DDX31: variants seen among roughly 807,000 people sequenced by gnomAD.
DDX31 encodes DEAD-box helicase 31, also known as ATP-dependent DNA helicase DDX31.
Under a neutral mutation model 91.3 loss-of-function variants are expected in DDX31, and 70 were observed. The ratio of observed to expected loss-of-function variants is 0.77; its 90% CI spans 0.63 to 0.94. DDX31 has a LOEUF of 0.94. Ranked by LOEUF, DDX31 falls within the 40% of genes least tolerant of loss-of-function variation. The pLI, the probability that DDX31 is intolerant of heterozygous loss-of-function variation, is 0.00. For synonymous variants in DDX31, 362 were observed against 350.6 expected (o/e 1.03, Z -0.36); for missense variants, 902 against 925.0 (o/e 0.98, Z 0.32).
At chr9:132,609,818 C>T (rs1275426072) in intron 19 of DDX31, among the ~76,000 whole-genome samples, 1 of 152,110 alleles carries the variant, frequency 6.6e-6, no homozygotes, top group East Asian at 1.9e-4. Flanking sequence ...GATGGGGTTT[C>T]ACCATCTTGG....
Position 132,669,914 on chromosome 9 carries a change from C to A in DDX31, c.21G>T (p.Ser7=). 1 of 1,596,140 alleles carries A rather than the reference C, an allele frequency of 6.3e-7. No homozygotes were observed. The change falls in exon 1 of 20, where the codon TCG becomes TCT. Residue 7 remains serine (S), a synonymous_variant. Coordinates refer to ENST00000372159, the MANE Select transcript of DDX31 (RefSeq NM_022779.9). ...AGAACGTCCTGGGGTTGTCGAAGAG[C>A]GAACCGTCGGCGGCTGCCATGGTCT... MAAADG[S]LFDNPRTFSR...
intron 19 of DDX31, among the ~76,000 whole-genome samples, chr9:132,609,979 C>T (rs923845096): frequency 6.6e-6 from 1 of 152,218 alleles, no homozygotes; most frequent in African/African-American, 2.4e-5. Flanking sequence ...CTCAAAGTGT[C>T]ACCATTGCCG....
At chr9:132,654,323 C>T (rs1590085562) in intron 6 of DDX31, among the ~76,000 whole-genome samples, 1 of 151,994 alleles carries the variant, frequency 6.6e-6, no homozygotes, top group Non-Finnish European at 1.5e-5. Flanking sequence ...AAAAAAAGAC[C>T]AACTTGGCCA....
In DDX31 at chr9:132,646,858, C is replaced by T; in HGVS notation, c.1168G>A (p.Val390Ile). 1 of 1,614,140 alleles carries T rather than the reference C, an allele frequency of 6.2e-7. No homozygotes were observed. ...TGAAGGATGAAGGCCGCTAGGCAGA[C>T]AAGCCTCAGTTTGCTGGGAACCACA... Reference protein sequence around the residue: ...VTVVPSKLRLVCLAAFILQKC... With the variant: ...VTVVPSKLRLICLAAFILQKC... Residue 390 changes from valine to isoleucine, a missense_variant, in exon 12 of 20, where the codon GTC becomes ATC. Val to Ile is a conservative substitution (Grantham distance 29). Coordinates refer to ENST00000372159, the MANE Select transcript of DDX31 (RefSeq NM_022779.9).
intron 17 of DDX31, among the ~76,000 whole-genome samples, chr9:132,620,549 GAA>G (rs1410023199): frequency 6.6e-6 from 1 of 150,488 alleles, no homozygotes; most frequent in Admixed American, 6.6e-5. Context: ...TAAAATATAA[GAA>G]AAAGTTAATG....
rs71376648 is a variant in DDX31, at chr9:132,653,494, CAAAAAAAAAAAAAAAAAAAA to C, written c.589-1022_589-1003del. Reference sequence around the variant, plus strand: ...GGGCAACAAGTGAAAAACTCAGTCTCAAAAAAAAAAAAAAAAAAAAAAAAAAAAAAAAAAAAAAAAATTTC... The same window carrying C: ...GGGCAACAAGTGAAAAACTCAGTCTCAAAAAAAAAAAAAAAAAAAAATTTC... On this transcript the variant is annotated intron_variant, in intron 6 of 19. Transcript: ENST00000372159. Among the ~76,000 whole-genome samples, 24 of 20,662 alleles carry C rather than the reference CAAAAAAAAAAAAAAAAAAAA, an allele frequency of 1.2e-3. 1 individual carries two copies. The highest frequency in any genetic ancestry group is 5.1e-3 in the East Asian group (3 of 584). 13.6% of individuals were successfully genotyped at this position (20,662 alleles called of 152,430 possible). A position where few individuals can be genotyped will look rare whatever the true frequency, so the allele number is the denominator to read the frequency against.
At chr9:132,655,159 G>A (rs1339435168) in intron 6 of DDX31, among the ~76,000 whole-genome samples, 1 of 152,048 alleles carries the variant, frequency 6.6e-6, no homozygotes, top group Admixed American at 6.6e-5. Context: ...AGAGGTTGTA[G>A]AATATTTTAC....
intron 16 of DDX31, among the ~76,000 whole-genome samples, chr9:132,628,745 G>T (rs1832548384): frequency 6.6e-6 from 1 of 152,214 alleles, no homozygotes; most frequent in African/African-American, 2.4e-5. Context: ...GGCCAGGAAG[G>T]AATGGGAAAA....
chr9:132,599,849 C>T lies in DDX31; in HGVS notation c.1995-4737G>A, dbSNP rs146199801. On this transcript the variant is annotated intron_variant, in intron 19 of 19. Transcript: ENST00000372159. Reference sequence around the variant, plus strand: ...AGGCCCTGAAGGTCTCTGCTGACGACGCAAGTCCCCCACATGGGAAGAAAA... The same window carrying T: ...AGGCCCTGAAGGTCTCTGCTGACGATGCAAGTCCCCCACATGGGAAGAAAA... Among the ~76,000 whole-genome samples, 489 of 152,376 alleles carry T rather than the reference C, an allele frequency of 3.2e-3. 2 individuals carry two copies. Among genetic ancestry groups the T allele is most frequent in the African/African-American group, 0.011 (457 of 41,588 alleles).
intron 8 of DDX31, 40 bp from the exon 9 acceptor site, chr9:132,650,338 CTTTACT>C: frequency 6.3e-7 from 1 of 1,584,672 alleles, no homozygotes; most frequent in Non-Finnish European, 8.7e-7. Flanking sequence ...GCAAAGCCCC[CTTTACT>C]AACATCAGAC....
chr9:132,651,821 A>G (rs1411422647), intron 7 of DDX31, among the ~76,000 whole-genome samples: 1 of 152,206 alleles, frequency 6.6e-6, no homozygotes, highest in Non-Finnish European at 1.5e-5. Flanking sequence ...TAAAAATTTT[A>G]ATAGCTTCTG....
intron 14 of DDX31, among the ~76,000 whole-genome samples, chr9:132,636,863 G>C (rs576408094): frequency 3.3e-5 from 5 of 152,186 alleles, no homozygotes; most frequent in African/African-American, 1.2e-4. Flanking sequence ...GTCCCACTTA[G>C]GGGCTGTCCA....
chr9:132,638,890 G>T (rs965556624), intron 14 of DDX31, among the ~76,000 whole-genome samples: 3 of 152,112 alleles, frequency 2.0e-5, no homozygotes, highest in African/African-American at 7.2e-5. Context: ...CATTCATTCT[G>T]GCCTTGTTAA....
At chr9:132,651,010 T>C (rs1834148988) in intron 8 of DDX31, 65 bp downstream of exon 8, 8 of 1,335,614 alleles carry the variant, frequency 6.0e-6, no homozygotes, top group Middle Eastern at 1.8e-4. Context: ...GAATAGACTG[T>C]AGTATATTAA....
intron 7 of DDX31, among the ~76,000 whole-genome samples, chr9:132,651,324 C>A (rs1834171859): frequency 6.6e-6 from 1 of 152,180 alleles, no homozygotes; most frequent in African/African-American, 2.4e-5. Flanking sequence ...GACAACACTT[C>A]TATTTCTTGG....
At chr9:132,610,234 G>A (rs1443177089) in intron 19 of DDX31, among the ~76,000 whole-genome samples, 2 of 152,266 alleles carry the variant, frequency 1.3e-5, no homozygotes, top group South Asian at 2.1e-4. Flanking sequence ...AGCCTGGCTC[G>A]AGCAGAGGAT....
chr9:132,612,031 C>T, intron 19 of DDX31, 56 bp downstream of exon 19: 4 of 1,572,594 alleles, frequency 2.5e-6, no homozygotes, highest in Admixed American at 1.7e-5. Context: ...TAGCACATCA[C>T]ATCATGTGAA....
chr9:132,606,278 A>C (rs1316824164), intron 19 of DDX31, among the ~76,000 whole-genome samples: 1 of 152,134 alleles, frequency 6.6e-6, no homozygotes, highest in Non-Finnish European at 1.5e-5. Flanking sequence ...TAATTAAGTG[A>C]TATTAGGGAG....
chr9:132,660,562 T>C (rs573619366), intron 4 of DDX31, among the ~76,000 whole-genome samples: 1 of 152,348 alleles, frequency 6.6e-6, no homozygotes, highest in African/African-American at 2.4e-5. Context: ...AATGTGTGTC[T>C]ACACATGTAT....
Sources: gnomAD v4.1 joint callset for allele counts (sites outside exome capture counted in the v4.1 genomes callset) on GRCh38, gnomAD v4.1.1 for gene constraint, MANE v1.5 for transcripts, NCBI Gene and HGNC (gene_info 2026-07-23, HGNC 2026-07-21) for gene names.